SORBS2: variants seen among roughly 807,000 people sequenced by gnomAD.
SORBS2 encodes sorbin and SH3 domain-containing protein 2.
SORBS2 carries 46 observed loss-of-function variants against 97.7 expected under a neutral mutation model. That is an observed-to-expected ratio of 0.47 (90% confidence interval 0.37 to 0.60). SORBS2 has a LOEUF of 0.60. Among genes scored for constraint, SORBS2 ranks in the 20% least tolerant of loss-of-function variants. The pLI is 0.00. For synonymous variants in SORBS2, 476 were observed against 473.4 expected (o/e 1.01, Z -0.07); for missense variants, 1,316 against 1,282.3 (o/e 1.03, Z -0.40).
intron 13 of SORBS2, chr4:185,592,924 C>G (rs28567706): frequency 0.095 from 14,522 of 152,236 alleles, 1,685 homozygotes; most frequent in African/African-American, 0.27. Flanking sequence ...CACTTTTCTG[C>G]CTGTGCTCTG....
chr4:185,768,434 G>C (rs1160738830), intron 2 of SORBS2, among the ~76,000 whole-genome samples: 2 of 152,154 alleles, frequency 1.3e-5, no homozygotes, highest in Non-Finnish European at 2.9e-5. Flanking sequence ...GCTCACACCT[G>C]TAATCCCAGC....
intron 1 of SORBS2, among the ~76,000 whole-genome samples, chr4:185,904,603 C>T (rs752602434): frequency 3.3e-5 from 5 of 152,244 alleles, no homozygotes; most frequent in African/African-American, 4.8e-5. Flanking sequence ...AATAACAGTG[C>T]ATGCCGCACA....
In SORBS2 at chr4:185,607,205, G is replaced by T; in HGVS notation, c.2796+4575C>A. On this transcript the variant is annotated intron_variant, in intron 12 of 14. Transcript: ENST00000418609. The surrounding 1 kb of genome is among the most constrained non-coding windows in gnomAD (Gnocchi z 5.2). Reference sequence around the variant, plus strand: ...TCACCCAAGAAGTTGTCCAGGAAACGAGGTGGTGTTGGGGCCAAAGGGTTT... The same window carrying T: ...TCACCCAAGAAGTTGTCCAGGAAACTAGGTGGTGTTGGGGCCAAAGGGTTT... The T allele has an allele frequency of 1.7e-6, 2 of 1,143,920 alleles. No homozygotes were observed. Among genetic ancestry groups the T allele is most frequent in the Non-Finnish European group, 2.2e-6 (2 of 919,652 alleles). 70.9% of individuals were successfully genotyped at this position (1,143,920 alleles called of 1,614,324 possible).
At chr4:185,863,992 C>G (rs935785604) in intron 1 of SORBS2, among the ~76,000 whole-genome samples, 3 of 152,174 alleles carry the variant, frequency 2.0e-5, no homozygotes, top group Non-Finnish European at 2.9e-5. Flanking sequence ...AGATTAACCA[C>G]AAGCTTTCCA....
chr4:185,601,665 G>A (rs895671136), intron 12 of SORBS2, among the ~76,000 whole-genome samples: 6 of 152,016 alleles, frequency 3.9e-5, no homozygotes, highest in Non-Finnish European at 8.8e-5. Context: ...CTAATACAGG[G>A]GTTCAATGCA....
At position 185,639,063 on chromosome 4, in the gene SORBS2, G is replaced by T. The variant is rs766930518; in HGVS notation, c.396+7605C>A. 6.7e-6 allele frequency: 10 copies of T among 1,498,924 alleles called. No homozygotes were observed. In the South Asian group the frequency reaches 1.3e-4, roughly 19 times the overall value. The allele number at this position is 1,498,924 out of a possible 1,614,324, so 92.9% of individuals were successfully genotyped here. A position where few individuals can be genotyped will look rare whatever the true frequency, so the allele number is the denominator to read the frequency against. ...GCAAGAAAGAGGGGTGCAGAAACTG[G>T]TTCATTAGATGGAGGCTCTGGGCGG... On this transcript the variant is annotated intron_variant, in intron 4 of 14. Transcript: ENST00000418609.
chr4:185,853,678 G>A (rs775436562), intron 1 of SORBS2, among the ~76,000 whole-genome samples: 9 of 152,174 alleles, frequency 5.9e-5, no homozygotes, highest in African/African-American at 2.2e-4. Context: ...CCAGATATGT[G>A]TATATGGTAT....
At chr4:185,838,585 A>G (rs941968897) in intron 1 of SORBS2, among the ~76,000 whole-genome samples, 3 of 152,180 alleles carry the variant, frequency 2.0e-5, no homozygotes, top group Admixed American at 2.0e-4. Flanking sequence ...CAGCCGCCCA[A>G]AAGCTCTTGA....
At chr4:185,794,748 T>C (rs2099097139) in intron 1 of SORBS2, among the ~76,000 whole-genome samples, 1 of 152,048 alleles carries the variant, frequency 6.6e-6, no homozygotes, top group South Asian at 2.1e-4. Flanking sequence ...CCCCTTGACA[T>C]GATGCTTCTG....
intron 1 of SORBS2, among the ~76,000 whole-genome samples, chr4:185,787,730 G>A (rs138817147): frequency 5.1e-4 from 78 of 152,232 alleles, no homozygotes; most frequent in Admixed American, 1.5e-3. Context: ...ATCCAGCAAC[G>A]CAGATTGTGG....
At chr4:185,673,422 A>C (rs1369303266) in intron 4 of SORBS2, among the ~76,000 whole-genome samples, 1 of 152,232 alleles carries the variant, frequency 6.6e-6, no homozygotes. Flanking sequence ...CTTGGAACAA[A>C]CTGAAAGTCT....
chr4:185,791,377 T>C (rs2099079211), intron 1 of SORBS2, among the ~76,000 whole-genome samples: 1 of 152,148 alleles, frequency 6.6e-6, no homozygotes, highest in Non-Finnish European at 1.5e-5. Context: ...TACATAGACC[T>C]TGGGTGTGGA....
chr4:185,956,315 C>A (rs1454141521), exon 1 of SORBS2: 1 of 152,198 alleles, frequency 6.6e-6, no homozygotes, highest in African/African-American at 2.4e-5. Context: ...GTAGCCGCAG[C>A]CAGCCTAGGG....
At chr4:185,731,490 CTG>C (rs2098626453) in intron 2 of SORBS2, among the ~76,000 whole-genome samples, 1 of 129,238 alleles carries the variant, frequency 7.7e-6, no homozygotes, top group African/African-American at 3.0e-5. Context: ...CCCTCCCTGC[CTG>C]TCTCTCTCCC....
chr4:185,903,312 G>A (rs1344205190), intron 1 of SORBS2, among the ~76,000 whole-genome samples: 4 of 152,308 alleles, frequency 2.6e-5, no homozygotes, highest in East Asian at 1.9e-4. Context: ...GATAATAAAT[G>A]TAAAGCATGT....
At chr4:185,778,791 T>A in intron 1 of SORBS2, among the ~76,000 whole-genome samples, 1 of 152,144 alleles carries the variant, frequency 6.6e-6, no homozygotes, top group East Asian at 1.9e-4. Context: ...TCAAACCATA[T>A]TAGAGGGTAT....
chr4:185,667,163 T>A (rs979958378), intron 4 of SORBS2, among the ~76,000 whole-genome samples: 11 of 152,162 alleles, frequency 7.2e-5, no homozygotes, highest in African/African-American at 2.4e-4. Flanking sequence ...GAACAGACAC[T>A]TTTTGGAGGG....
chr4:185,868,147 C>CTTTCTTTTTT (rs1288748201), intron 1 of SORBS2, among the ~76,000 whole-genome samples: 1 of 89,764 alleles, frequency 1.1e-5, no homozygotes, highest in Non-Finnish European at 2.2e-5. Context: ...CTTTTCTTTT[C>CTTTCTTTTTT]TTTTTTTCTT....
intron 1 of SORBS2, chr4:185,811,106 C>T (rs2099180792): frequency 6.6e-6 from 1 of 152,108 alleles, no homozygotes. Context: ...TTTACAACTA[C>T]CCCAACTAAA....
Sources: gnomAD v4.1 joint callset for allele counts (sites outside exome capture counted in the v4.1 genomes callset) on GRCh38, gnomAD v4.1.1 for gene constraint, Gnocchi (gnomAD v3.1) non-coding constraint, MANE v1.5 for transcripts, NCBI Gene and HGNC (gene_info 2026-07-23, HGNC 2026-07-21) for gene names.